The following ANGPT1 variants were observed in gnomAD, a reference collection of about 807,000 sequenced individuals.
ANGPT1 encodes angiopoietin-1.
ANGPT1 carries 17 observed loss-of-function variants against 62.2 expected under a neutral mutation model. The observed-to-expected ratio is 0.27, with a 90% CI of 0.19 to 0.41. The LOEUF is 0.41. Ranked by LOEUF, ANGPT1 falls within the 10% of genes least tolerant of loss-of-function variation. The pLI, the probability that ANGPT1 is intolerant of heterozygous loss-of-function variation, is 1.00. For missense variants in ANGPT1, 478 were observed against 594.9 expected, an observed-to-expected ratio of 0.80 and a Z score of 2.04; for synonymous variants, 199 against 198.9, an observed-to-expected ratio of 1.00 and a Z score of 0.00.
chr8:107,441,261 C>A (rs1455963332), intron 1 of ANGPT1, among the ~76,000 whole-genome samples: 1 of 152,136 alleles, frequency 6.6e-6, no homozygotes, highest in Non-Finnish European at 1.5e-5. Context: ...TTGGAAAGTT[C>A]TCTCATATAA....
At chr8:107,269,313 T>A (rs778168035) in intron 7 of ANGPT1, among the ~76,000 whole-genome samples, 7 of 145,444 alleles carry the variant, frequency 4.8e-5, no homozygotes, top group Non-Finnish European at 9.1e-5. Flanking sequence ...TAATTAGATT[T>A]AAAAAAAAAA....
intron 1 of ANGPT1, among the ~76,000 whole-genome samples, chr8:107,348,421 C>T (rs1211075137): frequency 6.6e-6 from 1 of 152,090 alleles, no homozygotes; most frequent in East Asian, 1.9e-4. Flanking sequence ...CTGTCCCATG[C>T]TAACAAAAAT....
chr8:107,313,435 T>TG (rs1563564059), intron 4 of ANGPT1, among the ~76,000 whole-genome samples: 15 of 120,582 alleles, frequency 1.2e-4, no homozygotes, highest in African/African-American at 4.8e-4. Flanking sequence ...AGTTGTTTTT[T>TG]TTTTTTTTTT....
At chr8:107,363,693 C>T (rs1816214362) in intron 1 of ANGPT1, among the ~76,000 whole-genome samples, 1 of 152,014 alleles carries the variant, frequency 6.6e-6, no homozygotes, top group African/African-American at 2.4e-5. Flanking sequence ...TAACAAGCTT[C>T]AAATGGGAAG....
At chr8:107,433,470 A>T (rs1305703190) in intron 1 of ANGPT1, among the ~76,000 whole-genome samples, 1 of 152,230 alleles carries the variant, frequency 6.6e-6, no homozygotes, top group Non-Finnish European at 1.5e-5. Flanking sequence ...ATAAAGAGAC[A>T]TTGAGTAAAG....
At chr8:107,338,471 A>T (rs527635822) in intron 2 of ANGPT1, among the ~76,000 whole-genome samples, 52 of 152,196 alleles carry the variant, frequency 3.4e-4, no homozygotes, top group Non-Finnish European at 6.2e-4. Context: ...TGAGGAGGGG[A>T]TGGGGCAGAG....
At chr8:107,285,611 G>T (rs2130140139) in intron 6 of ANGPT1, among the ~76,000 whole-genome samples, 1 of 152,076 alleles carries the variant, frequency 6.6e-6, no homozygotes, top group East Asian at 1.9e-4. Flanking sequence ...TCTCTTTGGG[G>T]GAAGTCAAGG....
At chr8:107,325,018 G>C (rs866454315) in intron 3 of ANGPT1, among the ~76,000 whole-genome samples, 29 of 152,156 alleles carry the variant, frequency 1.9e-4, no homozygotes, top group African/African-American at 6.5e-4. Flanking sequence ...ACTTAGGCAA[G>C]GTAAGCAGTG....
chr8:107,255,265 G>A (rs1478580036), intron 8 of ANGPT1, among the ~76,000 whole-genome samples: 3 of 152,168 alleles, frequency 2.0e-5, no homozygotes, highest in African/African-American at 7.2e-5. Flanking sequence ...ATGGGTATGA[G>A]TTCACTGGAC....
chr8:107,457,825 TACACACACACACACACAC>T (rs148742634), intron 1 of ANGPT1, among the ~76,000 whole-genome samples: 7 of 81,682 alleles, frequency 8.6e-5, no homozygotes, highest in African/African-American at 3.0e-4. Context: ...ACATACCCAC[TACACACACACACACACAC>T]ACACACACAC....
intron 5 of ANGPT1, among the ~76,000 whole-genome samples, chr8:107,299,633 CTATA>C (rs1480775782): frequency 3.7e-5 from 5 of 135,336 alleles, no homozygotes; most frequent in Admixed American, 7.6e-5. Context: ...ATATAGATCT[CTATA>C]TATAGATATA....
intron 8 of ANGPT1, among the ~76,000 whole-genome samples, chr8:107,261,172 T>C (rs1813481437): frequency 6.6e-6 from 1 of 152,192 alleles, no homozygotes; most frequent in African/African-American, 2.4e-5. Context: ...CCTTTGTCTT[T>C]GTATAAAGTT....
At chr8:107,407,370 G>T (rs1363510267) in intron 1 of ANGPT1, among the ~76,000 whole-genome samples, 1 of 151,760 alleles carries the variant, frequency 6.6e-6, no homozygotes, top group Non-Finnish European at 1.5e-5. Flanking sequence ...TGTAAATACC[G>T]AGGATGGATG....
At chr8:107,422,405 T>C (rs991552688) in intron 1 of ANGPT1, among the ~76,000 whole-genome samples, 5 of 152,316 alleles carry the variant, frequency 3.3e-5, no homozygotes, top group South Asian at 4.1e-4. Flanking sequence ...TCATGCCACA[T>C]TGCAGTTGTC....
At chr8:107,353,546 T>C (rs1461122446) in intron 1 of ANGPT1, among the ~76,000 whole-genome samples, 2 of 152,174 alleles carry the variant, frequency 1.3e-5, no homozygotes, top group Non-Finnish European at 2.9e-5. Context: ...TGGACTCTGT[T>C]CTTGCTTCCT....
rs190031201 is a variant in ANGPT1 at position 107,411,668 on chromosome 8, T to C, written c.298-64571A>G. The stretch of plus-strand genomic sequence containing the variant: ...TATTTAATAAAGAAATATATATCAG[T>C]TTACATAGAATGCTTTTAATGGCTA... On this transcript the variant is annotated intron_variant, in intron 1 of 8. Transcript: ENST00000517746. 2.0e-5 allele frequency among the ~76,000 whole-genome samples: 3 copies of C among 152,264 alleles called. No homozygotes were observed. The East Asian group carries it at 5.8e-4, about 29-fold the overall frequency.
intron 6 of ANGPT1, among the ~76,000 whole-genome samples, chr8:107,287,826 C>T (rs1173075084): frequency 1.3e-5 from 2 of 152,114 alleles, no homozygotes; most frequent in African/African-American, 2.4e-5. Flanking sequence ...GTCTGCAAAA[C>T]AGGGATTACA....
chr8:107,489,886 T>C (rs1812913017), intron 1 of ANGPT1, among the ~76,000 whole-genome samples: 1 of 150,470 alleles, frequency 6.6e-6, no homozygotes, highest in Non-Finnish European at 1.5e-5. Context: ...TGACTCAGAA[T>C]GTAATTAGGG....
chr8:107,417,654 A>T (rs1307452026), intron 1 of ANGPT1, among the ~76,000 whole-genome samples: 1 of 152,160 alleles, frequency 6.6e-6, no homozygotes. Flanking sequence ...AATGGGGCTT[A>T]TCTCATTGGA....
Sources: gnomAD v4.1 joint callset for allele counts (sites outside exome capture counted in the v4.1 genomes callset) on GRCh38, gnomAD v4.1.1 for gene constraint, MANE v1.5 for transcripts, NCBI Gene and HGNC (gene_info 2026-07-23, HGNC 2026-07-21) for gene names.